DNAJC15: variants seen among roughly 807,000 people sequenced by gnomAD.
The protein encoded by DNAJC15 is dnaJ homolog subfamily C member 15.
In DNAJC15, 27 loss-of-function variants were observed where a neutral mutation model predicts 22.4. The observed-to-expected ratio is 1.20, with a 90% CI of 0.89 to 1.66. The LOEUF is 1.66. DNAJC15 is among the 40% of genes most tolerant of loss of function. The pLI is 0.00. For missense variants in DNAJC15, 208 were observed against 187.1 expected (o/e 1.11, Z -0.65); for synonymous variants, 79 against 63.2 (o/e 1.25, Z -1.19).
rs1345957630 is a variant in DNAJC15, at chr13:43,040,203, AC to A, written c.108+16470del. 2.0e-5 allele frequency among the ~76,000 whole-genome samples: 3 copies of A among 152,236 alleles called. No homozygotes were observed. In the East Asian group the frequency reaches 5.8e-4, roughly 29 times the overall value. On this transcript the variant is annotated intron_variant, in intron 1 of 5. Transcript: ENST00000379221. Reference sequence around the variant, plus strand: ...AAGAACAGTTCTCAGAAGTTGCATTACTAGACTTGACATGTGCCAGCCATCA... The same window carrying A: ...AAGAACAGTTCTCAGAAGTTGCATTATAGACTTGACATGTGCCAGCCATCA...
intron 1 of DNAJC15, among the ~76,000 whole-genome samples, chr13:43,054,036 T>C (rs1213633479): frequency 6.6e-6 from 1 of 152,246 alleles, no homozygotes; most frequent in Non-Finnish European, 1.5e-5. Context: ...CTCAGTATTA[T>C]GTTGGCTGTG....
chr13:43,112,450 A>G lies in DNAJC15; in HGVS notation c.*5202A>G, dbSNP rs950584894. On this transcript the variant is annotated 3_prime_UTR_variant, in exon 6 of 6. Coordinates refer to ENST00000379221, the MANE Select transcript of DNAJC15 (RefSeq NM_013238.3). ...CCATAAATTTCAAATTAGTATCTCA[A>G]CTTAGCAGGGGGGATCAACAGTGGC... is the stretch of plus-strand genomic sequence containing the variant. 2.6e-5 allele frequency: 4 copies of G among 152,242 alleles called. No homozygotes were observed. Among genetic ancestry groups the G allele is most frequent in the African/African-American group, 4.8e-5 (2 of 41,464 alleles). 9.4% of individuals were successfully genotyped at this position (152,242 alleles called of 1,614,324 possible). A position where few individuals can be genotyped will look rare whatever the true frequency, so the allele number is the denominator to read the frequency against.
chr13:43,027,442 G>GT (rs1357196979), intron 1 of DNAJC15, among the ~76,000 whole-genome samples: 2 of 151,952 alleles, frequency 1.3e-5, no homozygotes, highest in African/African-American at 4.8e-5. Flanking sequence ...AGTGTAACAT[G>GT]TAAAAAAAAC....
intron 3 of DNAJC15, among the ~76,000 whole-genome samples, chr13:43,076,419 C>G (rs1195663406): frequency 6.6e-6 from 1 of 152,116 alleles, no homozygotes; most frequent in Non-Finnish European, 1.5e-5. Context: ...TTTTTAAGCT[C>G]TAGTCATTTC....
intron 5 of DNAJC15, among the ~76,000 whole-genome samples, chr13:43,096,522 T>C (rs182127980): frequency 3.9e-5 from 6 of 152,278 alleles, no homozygotes; most frequent in Non-Finnish European, 2.9e-5. Flanking sequence ...CTGGAAACAA[T>C]GTCATATGAG....
At chr13:43,065,853 A>C in intron 2 of DNAJC15, 116 bp downstream of exon 2, 1 of 795,412 alleles carries the variant, frequency 1.3e-6, no homozygotes, top group Admixed American at 2.2e-5. Context: ...GACATAATAC[A>C]TTCTCATTCT....
chr13:43,023,757 A>G, intron 1 of DNAJC15, 23 bp downstream of exon 1: 1 of 1,580,704 alleles, frequency 6.3e-7, no homozygotes, highest in Non-Finnish European at 8.6e-7. Flanking sequence ...AGCGGCCCCC[A>G]CCCCTCTCTG....
chr13:43,106,051 C>T (rs1000913329), intron 5 of DNAJC15, among the ~76,000 whole-genome samples: 5 of 152,138 alleles, frequency 3.3e-5, no homozygotes, highest in African/African-American at 7.2e-5. Flanking sequence ...TACCACAACA[C>T]CATGTTTGTT....
chr13:43,090,194 T>C (rs2040707458), intron 5 of DNAJC15, among the ~76,000 whole-genome samples: 1 of 152,202 alleles, frequency 6.6e-6, no homozygotes, highest in South Asian at 2.1e-4. Flanking sequence ...ATAGGCCAGA[T>C]AAAGAAGCAA....
intron 4 of DNAJC15, among the ~76,000 whole-genome samples, chr13:43,083,310 G>A (rs1293112239): frequency 2.0e-5 from 3 of 151,996 alleles, no homozygotes; most frequent in African/African-American, 7.3e-5. Flanking sequence ...TGGGACCACA[G>A]GCGCCCGCCA....
At chr13:43,057,686 C>A (rs1853576) in intron 1 of DNAJC15, among the ~76,000 whole-genome samples, 2,883 of 152,252 alleles carry the variant, frequency 0.019, 72 homozygotes, top group South Asian at 0.11. Context: ...CTTTGTCATA[C>A]TACCAGAATT....
At chr13:43,062,892 T>C (rs1204528355) in intron 1 of DNAJC15, among the ~76,000 whole-genome samples, 2 of 152,022 alleles carry the variant, frequency 1.3e-5, no homozygotes, top group Non-Finnish European at 2.9e-5. Flanking sequence ...CTAATTTTCA[T>C]ATTTTTAGTA....
At chr13:43,089,875 CTA>C (rs1403905296) in intron 5 of DNAJC15, among the ~76,000 whole-genome samples, 5 of 152,130 alleles carry the variant, frequency 3.3e-5, no homozygotes, top group Non-Finnish European at 7.3e-5. Context: ...CAAATCATAA[CTA>C]TATTCCTTTT....
chr13:43,070,788 C>A (rs1343737643), intron 3 of DNAJC15, among the ~76,000 whole-genome samples: 1 of 152,132 alleles, frequency 6.6e-6, no homozygotes, highest in Non-Finnish European at 1.5e-5. Flanking sequence ...TCAAATTTTA[C>A]CTTAAGCGTG....
chr13:43,064,343 T>C (rs1416307190), intron 1 of DNAJC15, among the ~76,000 whole-genome samples: 2 of 152,234 alleles, frequency 1.3e-5, no homozygotes, highest in Non-Finnish European at 1.5e-5. Flanking sequence ...TTGGTGTATA[T>C]TTCCCTACAG....
chr13:43,068,934 C>A lies in DNAJC15; in HGVS notation c.165C>A (p.Arg55=). The A allele has an allele frequency of 6.2e-7, 1 of 1,612,272 alleles. No homozygotes were observed. The highest frequency in any genetic ancestry group is 8.5e-7 in the Non-Finnish European group (1 of 1,179,138). The change falls in exon 3 of 6, where the codon CGC becomes CGA. Residue 55 remains arginine (R), a synonymous_variant. Transcript: ENST00000379221. The stretch of plus-strand genomic sequence containing the variant: ...TTTATTCCCTTTACTATTTAGGTCG[C>A]TACGCATTTCGGATCTGGAAACCTC... ...LGVAALAFAG[R]YAFRIWKPLE...
At chr13:43,089,416 A>G (rs898197014) in intron 5 of DNAJC15, among the ~76,000 whole-genome samples, 3 of 152,230 alleles carry the variant, frequency 2.0e-5, no homozygotes, top group Non-Finnish European at 1.5e-5. Flanking sequence ...GAGCCAAGAT[A>G]TAAAACACAG....
chr13:43,095,824 A>G (rs548223118), intron 5 of DNAJC15, among the ~76,000 whole-genome samples: 41 of 152,266 alleles, frequency 2.7e-4, no homozygotes, highest in African/African-American at 8.9e-4. Flanking sequence ...TCCACACTGG[A>G]AGACTTTGAT....
chr13:43,035,152 C>T (rs146965374), intron 1 of DNAJC15, among the ~76,000 whole-genome samples: 14 of 152,032 alleles, frequency 9.2e-5, no homozygotes, highest in Non-Finnish European at 1.6e-4. Flanking sequence ...TTCAGTAAAG[C>T]GCTTTTGTGT....
Sources: gnomAD v4.1 joint callset for allele counts (sites outside exome capture counted in the v4.1 genomes callset) on GRCh38, gnomAD v4.1.1 for gene constraint, MANE v1.5 for transcripts, NCBI Gene and HGNC (gene_info 2026-07-23, HGNC 2026-07-21) for gene names.